NID2: variants seen among roughly 807,000 people sequenced by gnomAD.
NID2 encodes the protein nidogen 2, also known as nidogen-2.
A neutral mutation model predicts 145.4 loss-of-function variants in NID2; 83 were observed. The ratio of observed to expected loss-of-function variants is 0.57; its 90% CI spans 0.48 to 0.69. The LOEUF is 0.69. Among genes scored for constraint, NID2 ranks in the 30% least tolerant of loss-of-function variants. NID2 has a pLI of 0.00. For synonymous variants in NID2, 739 were observed against 701.3 expected (o/e 1.05, Z -0.85); for missense variants, 1,807 against 1,765.7 (o/e 1.02, Z -0.42).
In NID2 at chr14:52,023,361, G is replaced by A. The variant is rs151142485; in HGVS notation, c.2675-3183C>T. On this transcript the variant is annotated intron_variant, in intron 12 of 21. Transcript: ENST00000216286. ...GCATGCTACTTGGGGGGGCTGAGAT[G>A]TGAGGATCACTTGAGCCTGGAAGGC... Among the ~76,000 whole-genome samples the A allele has an allele frequency of 6.4e-4, 98 of 152,028 alleles. 1 individual carries two copies. Among genetic ancestry groups the A allele is most frequent in the African/African-American group, 2.2e-3 (93 of 41,418 alleles).
intron 9 of NID2, among the ~76,000 whole-genome samples, chr14:52,035,364 T>C (rs529961448): frequency 2.0e-5 from 3 of 152,236 alleles, no homozygotes; most frequent in African/African-American, 7.2e-5. Flanking sequence ...TTAGAATGAT[T>C]CTGTATGTAG....
chr14:52,030,616 A>G (rs149934037), intron 9 of NID2, among the ~76,000 whole-genome samples: 2,571 of 91,166 alleles, frequency 0.028, 163 homozygotes, highest in Middle Eastern at 0.1. Context: ...GAGAAAGAAA[A>G]AGAAAGAAAG....
intron 17 of NID2, among the ~76,000 whole-genome samples, chr14:52,011,279 G>A (rs1699555475): frequency 6.6e-6 from 1 of 152,188 alleles, no homozygotes; most frequent in Non-Finnish European, 1.5e-5. Context: ...GGCATCCACA[G>A]TGCCAGAGCC....
chr14:52,023,198 C>A (rs147330764), intron 12 of NID2, among the ~76,000 whole-genome samples: 39 of 152,088 alleles, frequency 2.6e-4, no homozygotes, highest in African/African-American at 9.2e-4. Flanking sequence ...GAAGCTAGGC[C>A]GGGTGTGGTG....
At chr14:52,037,718 A>G (rs915913602) in intron 9 of NID2, among the ~76,000 whole-genome samples, 5 of 152,226 alleles carry the variant, frequency 3.3e-5, no homozygotes, top group African/African-American at 1.2e-4. Context: ...ATTATGTTGA[A>G]TTAATAGATC....
At chr14:52,051,379 G>A (rs1892674239) in intron 5 of NID2, among the ~76,000 whole-genome samples, 1 of 152,168 alleles carries the variant, frequency 6.6e-6, no homozygotes. Flanking sequence ...TAGAGCTGAG[G>A]AGAGCCAAGG....
intron 9 of NID2, among the ~76,000 whole-genome samples, chr14:52,034,720 C>T (rs768616055): frequency 2.0e-5 from 3 of 152,206 alleles, no homozygotes; most frequent in South Asian, 2.1e-4. Context: ...CACAGAACCG[C>T]GTATCACTTA....
intron 2 of NID2, among the ~76,000 whole-genome samples, chr14:52,065,882 A>C (rs572037470): frequency 5.0e-4 from 72 of 143,372 alleles, no homozygotes; most frequent in African/African-American, 1.9e-3. Flanking sequence ...TATGTGCCAC[A>C]TTTTCTTAAT....
At chr14:52,031,812 G>T (rs1398014680) in intron 9 of NID2, among the ~76,000 whole-genome samples, 1 of 152,198 alleles carries the variant, frequency 6.6e-6, no homozygotes, top group Admixed American at 6.5e-5. Flanking sequence ...AGAGAATCAG[G>T]TTCTTGTCTT....
chr14:52,011,608 TTGTC>T lies in NID2; in HGVS notation c.3492_3495del (p.Thr1165SerfsTer16). The T allele has an allele frequency of 1.2e-6, 2 of 1,614,204 alleles. No individual in the cohort carries two copies. The highest frequency in any genetic ancestry group is 1.7e-6 in the Non-Finnish European group (2 of 1,180,028). ...CCCAGTTCCAGACCAGCACGGCTGA[TTGTC>T]CGTCCAGCAACATCTGTCCAGTACA... On this transcript the variant is annotated frameshift_variant, in exon 17 of 22. Transcript: ENST00000216286. LOFTEE classifies it high-confidence loss of function.
At chr14:52,023,713 C>T (rs995836436) in intron 12 of NID2, among the ~76,000 whole-genome samples, 1 of 152,204 alleles carries the variant, frequency 6.6e-6, no homozygotes, top group Non-Finnish European at 1.5e-5. Context: ...ATATCCAGCT[C>T]ACACCAACAC....
intron 3 of NID2, among the ~76,000 whole-genome samples, chr14:52,059,396 T>G (rs1892954278): frequency 6.6e-6 from 1 of 152,192 alleles, no homozygotes; most frequent in South Asian, 2.1e-4. Context: ...TCTATCTGGC[T>G]TCTATATTCA....
rs745442495 is a variant in NID2, at chr14:52,040,816, A to G, written c.1861T>C (p.Tyr621His). 6.2e-7 allele frequency: 1 copy of G among 1,614,218 alleles called. No individual in the cohort carries two copies. The highest frequency in any genetic ancestry group is 2.2e-5 in the East Asian group (1 of 44,890). ...ATACGAACCGTCTCCTCTCCCGGGT[A>G]GAATGTAACTTCCATGTCATGGGTA... ...AFTHDMEVTF[Y>H]PGEETVRITQ... The change falls in exon 8 of 22, where the codon TAC (tyrosine) becomes CAC (histidine). Residue 621 changes from tyrosine to histidine, a missense_variant. Physicochemically the swap from Tyr to His is moderately conservative, Grantham distance 83. Coordinates refer to ENST00000216286, the MANE Select transcript of NID2 (RefSeq NM_007361.4).
chr14:52,026,081 G>C (rs1346864776), intron 12 of NID2, among the ~76,000 whole-genome samples: 3 of 152,210 alleles, frequency 2.0e-5, no homozygotes, highest in African/African-American at 7.2e-5. Context: ...CCAGAGAGAA[G>C]TGGAGGGCTG....
At chr14:52,018,577 G>C (rs1025583908) in intron 14 of NID2, among the ~76,000 whole-genome samples, 1 of 152,214 alleles carries the variant, frequency 6.6e-6, no homozygotes, top group African/African-American at 2.4e-5. Flanking sequence ...AAACTAACTG[G>C]CTCCACTAGC....
chr14:52,066,461 T>C (rs1180923543), intron 2 of NID2, among the ~76,000 whole-genome samples: 3 of 152,146 alleles, frequency 2.0e-5, no homozygotes, highest in African/African-American at 7.2e-5. Context: ...GTAATTAGAT[T>C]GTGTGTAATA....
intron 7 of NID2, among the ~76,000 whole-genome samples, chr14:52,041,644 C>CA (rs1349854036): frequency 6.6e-6 from 1 of 152,090 alleles, no homozygotes; most frequent in Admixed American, 6.6e-5. Context: ...ACAAGACCTC[C>CA]AAGTGATGTG....
Position 52,038,880 on chromosome 14 carries a change from C to A in NID2, c.2124G>T (p.Val708=), listed in dbSNP as rs1892172940. 1 of 1,614,030 alleles carries A rather than the reference C, an allele frequency of 6.2e-7. No individual in the cohort carries two copies. Among genetic ancestry groups the A allele is most frequent in the Admixed American group, 1.7e-5 (1 of 59,984 alleles). Residue 708 remains valine, a synonymous_variant, in exon 9 of 22, where the codon GTG becomes GTT. Coordinates refer to ENST00000216286, the MANE Select transcript of NID2 (RefSeq NM_007361.4). ...YRIHQNITYQ[V]CRHAPRHPSF... is the part of the protein sequence containing the mutation. ...ACGGGTGTCTGGGGGCGTGCCTGCACACCTGGTAAGTGATGTTCTGGTGGA... is the reference window on the plus strand; with the variant it reads ...ACGGGTGTCTGGGGGCGTGCCTGCAAACCTGGTAAGTGATGTTCTGGTGGA...
chr14:52,029,834 T>G, intron 9 of NID2, 144 bp from the exon 10 acceptor site: 1 of 659,806 alleles, frequency 1.5e-6, no homozygotes, highest in South Asian at 2.4e-5. Context: ...TATCTGAAGC[T>G]AGGGTGGATT....
Sources: gnomAD v4.1 joint callset for allele counts (sites outside exome capture counted in the v4.1 genomes callset) on GRCh38, gnomAD v4.1.1 for gene constraint, MANE v1.5 for transcripts, NCBI Gene and HGNC (gene_info 2026-07-23, HGNC 2026-07-21) for gene names.